YPEL2: variants seen among roughly 807,000 people sequenced by gnomAD.
The protein encoded by YPEL2 is yippee like 2.
In YPEL2, 2 loss-of-function variants were observed where a neutral mutation model predicts 19.1. The ratio of observed to expected loss-of-function variants is 0.10; its 90% CI spans 0.04 to 0.33. YPEL2 has a LOEUF of 0.33. Among genes scored for constraint, YPEL2 ranks in the 10% least tolerant of loss-of-function variants. The probability of loss-of-function intolerance (pLI) is 1.00; values close to 1 mark genes in which losing one functional copy is unlikely to be tolerated. For missense variants in YPEL2, 66 were observed against 140.7 expected (o/e 0.47, Z 2.68); for synonymous variants, 52 against 50.0 (o/e 1.04, Z -0.17).
chr17:59,348,001 T>C lies in YPEL2; in HGVS notation c.-195-5214T>C, dbSNP rs190054011. On this transcript the variant is annotated intron_variant, in intron 1 of 4. Coordinates refer to ENST00000312655, the MANE Select transcript of YPEL2 (RefSeq NM_001005404.4). ...TTAAAAATAATAGATGAAATTTTGG[T>C]GTGTATTGTGCGCCAGCTCTGTGTA... Among the ~76,000 whole-genome samples the C allele has an allele frequency of 3.3e-3, 496 of 152,238 alleles. 2 individuals are homozygous for C. The highest frequency in any genetic ancestry group is 0.011 in the African/African-American group (466 of 41,518).
At chr17:59,364,601 T>C (rs1036735636) in intron 2 of YPEL2, among the ~76,000 whole-genome samples, 11 of 148,370 alleles carry the variant, frequency 7.4e-5, no homozygotes, top group African/African-American at 2.7e-4. Context: ...CATTAAGTAA[T>C]CCCTCTGTGT....
Position 59,353,918 on chromosome 17 carries a change from C to T in YPEL2, c.117+392C>T, listed in dbSNP as rs1328937094. On this transcript the variant is annotated intron_variant, in intron 2 of 4. Coordinates refer to ENST00000312655, the MANE Select transcript of YPEL2 (RefSeq NM_001005404.4). The surrounding 1 kb of genome is among the most constrained non-coding windows in gnomAD (Gnocchi z 4.8). ...GGGGAATGTCTTGTAAGAGGGGTTC[C>T]TTAGCAAGATGAGAGAGCCACCAGG... The T allele has an allele frequency of 6.7e-6, 2 of 297,426 alleles. No individual in the cohort carries two copies. The highest frequency in any genetic ancestry group is 4.4e-5 in the African/African-American group (2 of 45,432). 18.4% of individuals were successfully genotyped at this position (297,426 alleles called of 1,614,324 possible).
chr17:59,383,990 T>C (rs2047967757), intron 2 of YPEL2, among the ~76,000 whole-genome samples: 1 of 152,166 alleles, frequency 6.6e-6, no homozygotes, highest in South Asian at 2.1e-4. Flanking sequence ...ATATAGGTTT[T>C]TGTATAAACA....
chr17:59,360,465 G>C (rs1056281445), intron 2 of YPEL2, among the ~76,000 whole-genome samples: 13 of 152,178 alleles, frequency 8.5e-5, no homozygotes, highest in Non-Finnish European at 1.2e-4. Flanking sequence ...AACCCAATAA[G>C]TCCAGTTGCA....
In YPEL2 at chr17:59,353,316, CT is replaced by C; in HGVS notation, c.-91del. The C allele has an allele frequency of 1.1e-6, 1 of 927,126 alleles. No homozygotes were observed. The allele number at this position is 927,126 out of a possible 1,614,324, so 57.4% of individuals were successfully genotyped here. On this transcript the variant is annotated 5_prime_UTR_variant, in exon 2 of 5. Transcript: ENST00000312655. This position sits in a 1 kb window ranked among gnomAD's most constrained non-coding sequence, Gnocchi z 4.8. ...CACCCACCCGCTGCCAAACCACGGC[CT>C]TTACCTGTGTCTTCCGGTGTTTCCC... is the stretch of plus-strand genomic sequence containing the variant.
intron 2 of YPEL2, among the ~76,000 whole-genome samples, chr17:59,377,273 TCTAA>T (rs2147951208): frequency 6.6e-6 from 1 of 152,330 alleles, no homozygotes; most frequent in South Asian, 2.1e-4. Flanking sequence ...CCTTTTTAAC[TCTAA>T]CAGTTGTTTT....
chr17:59,369,242 C>T (rs971222100), intron 2 of YPEL2, among the ~76,000 whole-genome samples: 6 of 152,198 alleles, frequency 3.9e-5, no homozygotes, highest in African/African-American at 7.2e-5. Context: ...GTTTGGAATA[C>T]GGCCAAGTGA....
At chr17:59,339,441 C>G (rs1378007463) in intron 1 of YPEL2, among the ~76,000 whole-genome samples, 1 of 152,190 alleles carries the variant, frequency 6.6e-6, no homozygotes, top group African/African-American at 2.4e-5. Flanking sequence ...TGTGCCTAAT[C>G]TGTTGTCCCA....
chr17:59,378,505 C>T (rs2047933536), intron 2 of YPEL2, among the ~76,000 whole-genome samples: 1 of 152,016 alleles, frequency 6.6e-6, no homozygotes, highest in South Asian at 2.1e-4. Flanking sequence ...CCACCACGCC[C>T]AGCTAATTTT....
At chr17:59,355,675 C>G (rs1213301323) in intron 2 of YPEL2, 1 of 152,136 alleles carries the variant, frequency 6.6e-6, no homozygotes, top group Non-Finnish European at 1.5e-5. Context: ...GGGGTCAGAA[C>G]CTGACCCATG....
At chr17:59,360,912 A>G (rs920563624) in intron 2 of YPEL2, among the ~76,000 whole-genome samples, 7 of 152,054 alleles carry the variant, frequency 4.6e-5, no homozygotes, top group South Asian at 2.1e-4. Context: ...GCTCACTGCA[A>G]TCTCTGCCTC....
intron 2 of YPEL2, among the ~76,000 whole-genome samples, chr17:59,376,976 CAAAGAA>C (rs1489316722): frequency 1.0e-5 from 1 of 95,532 alleles, no homozygotes; most frequent in Non-Finnish European, 2.1e-5. Flanking sequence ...AAAAAAAAAA[CAAAGAA>C]AAAGGAAAGA....
Position 59,382,487 on chromosome 17 carries a change from T to C in YPEL2, c.118-5840T>C, listed in dbSNP as rs964174474. On this transcript the variant is annotated intron_variant, in intron 2 of 4. Transcript: ENST00000312655. ...CCCCAGAACATTGGCCTTCACACTTTTAAAATGACATACCCCTATCAGTAA... is the reference window on the plus strand; with the variant it reads ...CCCCAGAACATTGGCCTTCACACTTCTAAAATGACATACCCCTATCAGTAA... Among the ~76,000 whole-genome samples, 7 of 152,332 alleles carry C rather than the reference T, an allele frequency of 4.6e-5. No individual in the cohort carries two copies. The East Asian group carries it at 1.3e-3, about 29-fold the overall frequency.
At chr17:59,334,396 G>C (rs972153334) in intron 1 of YPEL2, among the ~76,000 whole-genome samples, 1 of 150,012 alleles carries the variant, frequency 6.7e-6, no homozygotes, top group African/African-American at 2.4e-5. Flanking sequence ...TATTTGGGGG[G>C]GGGTGAGGAG....
intron 2 of YPEL2, chr17:59,363,083 T>A (rs1444871565): frequency 6.6e-6 from 1 of 152,130 alleles, no homozygotes; most frequent in Non-Finnish European, 1.5e-5. Context: ...ACACACAAGA[T>A]GGAAAATCTA....
At position 59,360,710 on chromosome 17, in the gene YPEL2, T is replaced by G. The variant is rs113411206; in HGVS notation, c.117+7184T>G. On this transcript the variant is annotated intron_variant, in intron 2 of 4. Coordinates refer to ENST00000312655, the MANE Select transcript of YPEL2 (RefSeq NM_001005404.4). ...AGGGATGTGGTTACTTTACAGTGTTTCTTGGTGAAAAGAAACTATTTGGGG... is the reference window on the plus strand; with the variant it reads ...AGGGATGTGGTTACTTTACAGTGTTGCTTGGTGAAAAGAAACTATTTGGGG... Among the ~76,000 whole-genome samples, 726 of 142,828 alleles carry G rather than the reference T, an allele frequency of 5.1e-3. 4 individuals carry two copies. Among genetic ancestry groups the G allele is most frequent in the African/African-American group, 0.019 (695 of 36,646 alleles). The allele number at this position is 142,828 out of a possible 152,430, so 93.7% of individuals were successfully genotyped here. A position where few individuals can be genotyped will look rare whatever the true frequency, so the allele number is the denominator to read the frequency against.
chr17:59,388,135 G>A (rs1393897825), intron 2 of YPEL2, among the ~76,000 whole-genome samples, 192 bp from the exon 3 acceptor site: 1 of 152,134 alleles, frequency 6.6e-6, no homozygotes, highest in African/African-American at 2.4e-5. Flanking sequence ...GCCAGATCGA[G>A]CTTTGTGGCT....
In YPEL2 at chr17:59,334,233, TGTC is replaced by T. The variant is rs958123303; in HGVS notation, c.-196+2412_-196+2414del. On this transcript the variant is annotated intron_variant, in intron 1 of 4. Transcript: ENST00000312655. ...TTCATAGATTATGTGAATTCTTCAT[TGTC>T]GTAATGATTTTCACGGTTTTGAGGC... is the stretch of plus-strand genomic sequence containing the variant. Among the ~76,000 whole-genome samples the T allele has an allele frequency of 7.9e-5, 12 of 152,250 alleles. 1 individual carries two copies. Among genetic ancestry groups the T allele is most frequent in the African/African-American group, 2.4e-4 (10 of 41,536 alleles).
At chr17:59,355,070 C>G (rs1567738927) in intron 2 of YPEL2, 1 of 151,772 alleles carries the variant, frequency 6.6e-6, no homozygotes, top group Non-Finnish European at 1.5e-5. Context: ...GGAAGCAGTG[C>G]CATGTATCAT....
Sources: gnomAD v4.1 joint callset for allele counts (sites outside exome capture counted in the v4.1 genomes callset) on GRCh38, gnomAD v4.1.1 for gene constraint, Gnocchi (gnomAD v3.1) non-coding constraint, MANE v1.5 for transcripts, NCBI Gene and HGNC (gene_info 2026-07-23, HGNC 2026-07-21) for gene names.